The following ARHGAP32 variants were observed in gnomAD, a reference collection of about 807,000 sequenced individuals.
ARHGAP32 encodes Rho GTPase activating protein 32, also known as rho GTPase-activating protein 32.
ARHGAP32 carries 51 observed loss-of-function variants against 186.5 expected under a neutral mutation model. The observed-to-expected ratio is 0.27, with a 90% CI of 0.22 to 0.35. The LOEUF (loss-of-function observed/expected upper bound fraction) is 0.35. Ranked by LOEUF, ARHGAP32 falls within the 10% of genes least tolerant of loss-of-function variation. The pLI is 1.00. For missense variants in ARHGAP32, 2,186 were observed against 2,623.5 expected (o/e 0.83, Z 3.64); for synonymous variants, 950 against 964.3 (o/e 0.99, Z 0.27).
At chr11:128,976,422 AATACTAAAT>A in intron 20 of ARHGAP32, 132 bp downstream of exon 20, 1 of 636,652 alleles carries the variant, frequency 1.6e-6, no homozygotes, top group Non-Finnish European at 2.7e-6. Context: ...TAATCTGAAT[AATACTAAAT>A]AGACACTAGT....
chr11:129,100,066 A>G (rs2135295686), intron 5 of ARHGAP32, among the ~76,000 whole-genome samples: 1 of 152,274 alleles, frequency 6.6e-6, no homozygotes, highest in East Asian at 1.9e-4. Context: ...TTTGACCACC[A>G]TGGACACTTG....
intron 1 of ARHGAP32, among the ~76,000 whole-genome samples, chr11:129,265,527 G>A (rs980462071): frequency 6.6e-6 from 1 of 152,182 alleles, no homozygotes; most frequent in South Asian, 2.1e-4. Context: ...ACAGGCACTT[G>A]AAGGGCAAAA....
chr11:129,104,949 G>A (rs1942008834), intron 5 of ARHGAP32, among the ~76,000 whole-genome samples: 1 of 152,080 alleles, frequency 6.6e-6, no homozygotes, highest in Admixed American at 6.5e-5. Context: ...TCTTAATGAT[G>A]CCAACCCTCA....
At chr11:128,999,340 C>T (rs753848955) in intron 11 of ARHGAP32, among the ~76,000 whole-genome samples, 7 of 152,144 alleles carry the variant, frequency 4.6e-5, no homozygotes, top group South Asian at 2.1e-4. Context: ...TTAGTCAGAC[C>T]GGTTCCCTGC....
chr11:129,199,217 G>C (rs559434709), intron 1 of ARHGAP32, among the ~76,000 whole-genome samples: 2 of 152,340 alleles, frequency 1.3e-5, no homozygotes, highest in East Asian at 3.9e-4. Flanking sequence ...CCATGCAACA[G>C]AAAAGAAAAA....
At chr11:129,081,403 A>G (rs956339047) in intron 6 of ARHGAP32, among the ~76,000 whole-genome samples, 6 of 152,144 alleles carry the variant, frequency 3.9e-5, no homozygotes, top group African/African-American at 1.4e-4. Context: ...TATCAAAAAG[A>G]TATTACACCA....
At chr11:129,196,847 T>C (rs1591691471), upstream of ARHGAP32, among the ~76,000 whole-genome samples, 1 of 152,068 alleles carries the variant, frequency 6.6e-6, no homozygotes, top group African/African-American at 2.4e-5. Context: ...ACCTGAGGTC[T>C]GGAGTTCGAG....
At chr11:129,253,967 A>AAATAGGATAT in intron 1 of ARHGAP32, among the ~76,000 whole-genome samples, 1 of 152,274 alleles carries the variant, frequency 6.6e-6, no homozygotes, top group South Asian at 2.1e-4. Flanking sequence ...ATTCTAACTG[A>AAATAGGATAT]AATAGGATAT....
At chr11:129,273,650 A>G (rs934332086) in intron 1 of ARHGAP32, among the ~76,000 whole-genome samples, 1 of 152,132 alleles carries the variant, frequency 6.6e-6, no homozygotes, top group African/African-American at 2.4e-5. Context: ...TGAAGATGCT[A>G]CTCATCTTAA....
chr11:129,164,172 T>C (rs1943587043), intron 2 of ARHGAP32, 147 bp downstream of exon 2: 2 of 570,640 alleles, frequency 3.5e-6, no homozygotes, highest in Admixed American at 3.2e-5. Flanking sequence ...GTGCCAAGTA[T>C]ACAGTATTCA....
chr11:129,148,775 G>T (rs1261617397), intron 2 of ARHGAP32, among the ~76,000 whole-genome samples: 1 of 152,154 alleles, frequency 6.6e-6, no homozygotes, highest in African/African-American at 2.4e-5. Context: ...CAGGAGCCAG[G>T]CCAGCCTCAC....
chr11:129,179,581 T>C (rs1312649291), intron 1 of ARHGAP32, among the ~76,000 whole-genome samples: 3 of 151,600 alleles, frequency 2.0e-5, no homozygotes, highest in Non-Finnish European at 2.9e-5. Flanking sequence ...TAAGAAAATG[T>C]GGCACATATA....
chr11:129,062,140 A>G (rs893316944), intron 10 of ARHGAP32, 140 bp downstream of exon 10: 4 of 670,052 alleles, frequency 6.0e-6, no homozygotes, highest in Non-Finnish European at 1.0e-5. Context: ...ATCTATTATC[A>G]TTACTATCTG....
chr11:129,038,430 A>C (rs566290648), intron 11 of ARHGAP32, among the ~76,000 whole-genome samples: 1 of 152,060 alleles, frequency 6.6e-6, no homozygotes, highest in Non-Finnish European at 1.5e-5. Context: ...TTAAATAAGG[A>C]ATCAAAAGCA....
intron 12 of ARHGAP32, among the ~76,000 whole-genome samples, chr11:128,997,002 C>T (rs978229863): frequency 6.6e-5 from 10 of 152,180 alleles, no homozygotes; most frequent in East Asian, 1.9e-4. Context: ...TGATCTCGAA[C>T]TCCTAGGCGC....
At chr11:129,121,968 A>T (rs548432907) in intron 5 of ARHGAP32, among the ~76,000 whole-genome samples, 36 of 152,202 alleles carry the variant, frequency 2.4e-4, no homozygotes, top group African/African-American at 8.4e-4. Context: ...ATAAAATAAT[A>T]AAAGTTTAGA....
At chr11:129,221,535 T>TGTGTGTG (rs1565472462) in intron 1 of ARHGAP32, among the ~76,000 whole-genome samples, 4 of 68,254 alleles carry the variant, frequency 5.9e-5, no homozygotes, top group Non-Finnish European at 6.5e-5. Flanking sequence ...GTGTGTGTGT[T>TGTGTGTG]TATGGTAAAA....
intron 5 of ARHGAP32, among the ~76,000 whole-genome samples, chr11:129,122,111 G>A (rs766339137): frequency 9.9e-5 from 15 of 151,992 alleles, no homozygotes; most frequent in Non-Finnish European, 2.1e-4. Context: ...TGTGAACTAA[G>A]GCCAGTGCTT....
At chr11:129,106,069 T>C (rs1244392158) in intron 5 of ARHGAP32, among the ~76,000 whole-genome samples, 1 of 152,206 alleles carries the variant, frequency 6.6e-6, no homozygotes, top group Non-Finnish European at 1.5e-5. Flanking sequence ...ATACTGTTGT[T>C]GGGAATGTAA....
Sources: gnomAD v4.1 joint callset for allele counts (sites outside exome capture counted in the v4.1 genomes callset) on GRCh38, gnomAD v4.1.1 for gene constraint, MANE v1.5 for transcripts, NCBI Gene and HGNC (gene_info 2026-07-23, HGNC 2026-07-21) for gene names.